The following SCAI variants were observed in gnomAD, a reference collection of about 807,000 sequenced individuals.
SCAI encodes the protein suppressor of cancer cell invasion.
A neutral mutation model predicts 92.2 loss-of-function variants in SCAI; 24 were observed. That is an observed-to-expected ratio of 0.26 (90% CI 0.19 to 0.37). The LOEUF (loss-of-function observed/expected upper bound fraction) is 0.37, where lower values mean the gene tolerates loss of function less well. Among genes scored for constraint, SCAI ranks in the 10% least tolerant of loss-of-function variants. The pLI is 1.00. For synonymous variants in SCAI, 261 were observed against 258.6 expected (o/e 1.01, Z -0.09); for missense variants, 450 against 736.2 (o/e 0.61, Z 4.50).
In SCAI at chr9:125,002,034, C is replaced by A; in HGVS notation, c.1075G>T (p.Ala359Ser). The part of the protein sequence containing the change: ...FLAASFKELP[A>S]NSVLLIYLSA... ...AGGTAAATCAGAAGCACGCTATTGG[C>A]AGGCAGCTCCTGAAATGAAAGAAAA... The change falls in exon 12 of 18, where the codon GCC (alanine) becomes TCC (serine). Residue 359 changes from alanine (A) to serine (S), a missense_variant. Physicochemically the swap from Ala to Ser is moderately conservative, Grantham distance 99. Transcript: ENST00000336505. 3.1e-6 allele frequency: 5 copies of A among 1,611,834 alleles called. No homozygotes were observed. Among genetic ancestry groups the A allele is most frequent in the Non-Finnish European group, 4.2e-6 (5 of 1,177,908 alleles).
chr9:125,106,450 C>T (rs1246781106), intron 2 of SCAI, among the ~76,000 whole-genome samples: 2 of 151,654 alleles, frequency 1.3e-5, no homozygotes, highest in African/African-American at 2.4e-5. Flanking sequence ...TAAACTGCTG[C>T]TAGGTAATAT....
rs1026265119 is a variant in SCAI, at chr9:125,079,299, A to C, written c.99-23292T>G. Among the ~76,000 whole-genome samples the C allele has an allele frequency of 2.0e-5, 3 of 152,300 alleles. No individual in the cohort carries two copies. In the East Asian group the frequency reaches 5.8e-4, roughly 29 times the overall value. The stretch of plus-strand genomic sequence containing the variant: ...GTTAATTATATCATTATTTGGGGTT[A>C]TGTAAGCTAATAATTATATATCTTT... On this transcript the variant is annotated intron_variant, in intron 2 of 17. Transcript: ENST00000336505.
intron 2 of SCAI, among the ~76,000 whole-genome samples, chr9:125,083,019 C>A (rs905618449): frequency 6.6e-6 from 1 of 152,154 alleles, no homozygotes; most frequent in Admixed American, 6.5e-5. Flanking sequence ...GGGCCAGGGG[C>A]AGAATAAGGT....
chr9:125,068,944 G>A (rs1021715028), intron 2 of SCAI, among the ~76,000 whole-genome samples: 5 of 152,122 alleles, frequency 3.3e-5, no homozygotes, highest in South Asian at 2.1e-4. Context: ...GACCAGGCGC[G>A]GTGCCTCACG....
intron 2 of SCAI, among the ~76,000 whole-genome samples, chr9:125,127,139 A>T (rs1835295053): frequency 1.3e-5 from 2 of 152,200 alleles, no homozygotes; most frequent in Admixed American, 1.3e-4. Context: ...AAGTCCTCAG[A>T]GAGAAATGGG....
At chr9:125,131,464 C>A (rs7867094) in intron 2 of SCAI, among the ~76,000 whole-genome samples, 65,750 of 151,416 alleles carry the variant, frequency 0.43, 14,655 homozygotes, top group East Asian at 0.53. Flanking sequence ...ATAGGAGTAG[C>A]GCCTGAGGCT....
intron 9 of SCAI, 87 bp downstream of exon 9, chr9:125,018,712 G>A (rs1477910929): frequency 2.6e-6 from 3 of 1,160,262 alleles, no homozygotes; most frequent in East Asian, 4.8e-5. Flanking sequence ...AGGATGTTAG[G>A]ATATTTATAA....
chr9:124,972,838 G>A (rs1329770917), intron 15 of SCAI, among the ~76,000 whole-genome samples: 1 of 152,142 alleles, frequency 6.6e-6, no homozygotes, highest in African/African-American at 2.4e-5. Context: ...TATCTTTGCA[G>A]CTGGCTACTA....
chr9:125,047,129 G>A (rs1180135551), intron 3 of SCAI, among the ~76,000 whole-genome samples: 1 of 152,116 alleles, frequency 6.6e-6, no homozygotes, highest in Non-Finnish European at 1.5e-5. Context: ...CAGTATCTCA[G>A]AATTTCACTG....
In SCAI at chr9:125,004,755, A is replaced by T. The variant is rs867649467; in HGVS notation, c.862-1185T>A. Among the ~76,000 whole-genome samples the T allele has an allele frequency of 1.2e-3, 10 of 8,542 alleles. 1 individual carries two copies. Among genetic ancestry groups the T allele is most frequent in the Non-Finnish European group, 2.6e-3 (8 of 3,038 alleles). The allele number at this position is 8,542 out of a possible 152,430, so 5.6% of individuals were successfully genotyped here. A position where few individuals can be genotyped will look rare whatever the true frequency, so the allele number is the denominator to read the frequency against. On this transcript the variant is annotated intron_variant, in intron 9 of 17. Coordinates refer to ENST00000336505, the MANE Select transcript of SCAI (RefSeq NM_001144877.3). ...GATCCATATATATATATATATATAT[A>T]TATATATATATATATATATATATAT...
Position 125,055,964 on chromosome 9 carries a change from C to T in SCAI, c.142G>A (p.Glu48Lys). 1 of 1,611,300 alleles carries T rather than the reference C, an allele frequency of 6.2e-7. No homozygotes were observed. The highest frequency in any genetic ancestry group is 8.5e-7 in the Non-Finnish European group (1 of 1,177,710). The stretch of plus-strand genomic sequence containing the variant: ...CTCTCTCCCTGTGGGATATCATCTT[C>T]AGCACCTCCAGAGGACATGATTTCT... ...LKEIMSSGGA[E>K]DDIPQGERKT... Residue 48 changes from glutamate (E) to lysine (K), a missense_variant, in exon 3 of 18, where the codon GAA becomes AAA. Around this residue, in one of 3 missense-constraint regions of SCAI, gnomAD observed 70 missense variants for 66.3 expected, o/e 1.06. Coordinates refer to ENST00000336505, the MANE Select transcript of SCAI (RefSeq NM_001144877.3).
At chr9:125,060,885 A>G (rs1273970523) in intron 2 of SCAI, among the ~76,000 whole-genome samples, 1 of 152,184 alleles carries the variant, frequency 6.6e-6, no homozygotes, top group Non-Finnish European at 1.5e-5. Flanking sequence ...TTTGAGTTTC[A>G]TGACTTTCTC....
intron 2 of SCAI, among the ~76,000 whole-genome samples, chr9:125,083,814 C>T (rs1564406235): frequency 6.6e-6 from 1 of 152,036 alleles, no homozygotes; most frequent in Non-Finnish European, 1.5e-5. Context: ...ACTTTCTACA[C>T]TCTGTGAAAG....
rs372211273 is a variant in SCAI, at chr9:124,962,987, T to A, written c.1674+8383A>T. On this transcript the variant is annotated intron_variant, in intron 17 of 17. Transcript: ENST00000336505. ...CTAATTTTTGTATTTTTAGTAGAGA[T>A]GGGGTTTCACCATGTTGGCCAGGCT... Among the ~76,000 whole-genome samples, 9 of 150,916 alleles carry A rather than the reference T, an allele frequency of 6.0e-5. No individual in the cohort carries two copies. In the South Asian group the frequency reaches 1.9e-3, roughly 32 times the overall value.
intron 9 of SCAI, among the ~76,000 whole-genome samples, chr9:125,010,384 G>A (rs1292946401): frequency 5.3e-4 from 81 of 152,180 alleles, no homozygotes; most frequent in Non-Finnish European, 2.1e-4. Flanking sequence ...ATTATATCCC[G>A]CACATGGCTT....
At chr9:124,964,815 C>A (rs143698102) in intron 17 of SCAI, among the ~76,000 whole-genome samples, 2 of 152,214 alleles carry the variant, frequency 1.3e-5, no homozygotes, top group Admixed American at 6.5e-5. Flanking sequence ...GTTGTCCAGA[C>A]CTTCTTGTTG....
rs78507218 is a variant in SCAI, at chr9:125,127,309, A to C, written c.98+15324T>G. Among the ~76,000 whole-genome samples the C allele has an allele frequency of 6.4e-3, 982 of 152,274 alleles. 11 individuals are homozygous for C. The highest frequency in any genetic ancestry group is 0.022 in the African/African-American group (919 of 41,556). Reference sequence around the variant, plus strand: ...CCTCAAAAGCCTATTAGAGTCTCACATAACTCTAAGGAGGGGTGGATCTCT... The same window carrying C: ...CCTCAAAAGCCTATTAGAGTCTCACCTAACTCTAAGGAGGGGTGGATCTCT... On this transcript the variant is annotated intron_variant, in intron 2 of 17. Transcript: ENST00000336505.
At chr9:125,133,990 G>A (rs1028709215) in intron 2 of SCAI, among the ~76,000 whole-genome samples, 4 of 152,126 alleles carry the variant, frequency 2.6e-5, no homozygotes, top group Non-Finnish European at 4.4e-5. Flanking sequence ...TCCCTTAGGA[G>A]GCAAAACCCC....
chr9:125,042,858 CTTTTTTTTTTTTTTTTT>C (rs770118712), intron 3 of SCAI, among the ~76,000 whole-genome samples: 2 of 50,998 alleles, frequency 3.9e-5, no homozygotes, highest in African/African-American at 1.6e-4. Flanking sequence ...TGCTCCCTGG[CTTTTTTTTTTTTTTTTT>C]TTTTTTTTTT....
Sources: allele counts gnomAD v4.1 joint callset (sites outside exome capture counted in the v4.1 genomes callset), GRCh38; gene constraint gnomAD v4.1.1; regional missense constraint gnomAD v4.1.1; transcripts MANE v1.5; gene names NCBI Gene and HGNC (gene_info 2026-07-23, HGNC 2026-07-21).